Variants in USP47 observed in about 807,000 individuals in gnomAD.
USP47 encodes the protein ubiquitin specific peptidase 47, also known as ubiquitin carboxyl-terminal hydrolase 47.
USP47 carries 35 observed loss-of-function variants against 165.1 expected under a neutral mutation model. The ratio of observed to expected loss-of-function variants is 0.21; its 90% confidence interval spans 0.16 to 0.28. USP47 has a LOEUF of 0.28. Among genes scored for constraint, USP47 ranks in the 10% least tolerant of loss-of-function variants. The pLI, the probability that USP47 is intolerant of heterozygous loss-of-function variation, is 1.00. For missense variants in USP47, 1,277 were observed against 1,607.4 expected (o/e 0.79, Z 3.52); for synonymous variants, 531 against 544.5 (o/e 0.98, Z 0.35).
At position 11,841,976 on chromosome 11, in the gene USP47, A is replaced by G; in HGVS notation, c.-210A>G. On this transcript the variant is annotated 5_prime_UTR_variant, in exon 1 of 28. Coordinates refer to ENST00000527733, the MANE Select transcript of USP47 (RefSeq NM_001282659.2). ...CGGGCTGGGGGAGGGGCCGACGACG[A>G]AGGCGGCTGTGGTAGCGGCGGCGGC... The G allele has an allele frequency of 1.9e-6, 1 of 530,626 alleles. No individual in the cohort carries two copies. Among genetic ancestry groups the G allele is most frequent in the Non-Finnish European group, 3.3e-6 (1 of 303,378 alleles). 32.9% of individuals were successfully genotyped at this position (530,626 alleles called of 1,614,324 possible).
rs1372712230 is a variant in USP47, at chr11:11,948,529, G to A, written c.3319G>A (p.Val1107Ile). 24 of 1,612,848 alleles carry A rather than the reference G, an allele frequency of 1.5e-5. No homozygotes were observed. The highest frequency in any genetic ancestry group is 1.9e-5 in the Non-Finnish European group (22 of 1,179,096). ...ALKKGEYRVK[V>I]YQLLVNEQEP... is the part of the protein sequence containing the mutation. ...TAAAAAAGGAGAATACAGAGTTAAA[G>A]TATACCAGCTTTTGGTCAATGAACA... is the stretch of plus-strand genomic sequence containing the variant. The change falls in exon 22 of 28, where the codon GTA (valine) becomes ATA (isoleucine). Residue 1107 changes from valine (V) to isoleucine (I), a missense_variant. This residue lies in a region of USP47 where 909 missense variants were observed against 1,068.1 expected (regional missense o/e 0.85). Coordinates refer to ENST00000527733, the MANE Select transcript of USP47 (RefSeq NM_001282659.2).
rs1378286683 is a variant in USP47, at chr11:11,959,349, AC to A, written c.*3175del. On this transcript the variant is annotated 3_prime_UTR_variant, in exon 28 of 28. Transcript: ENST00000527733. ...AACAATTCTGTGTAATTTTTGAAAAACATCAACATTTTGGTCACTAGTAGTC... is the reference window on the plus strand; with the variant it reads ...AACAATTCTGTGTAATTTTTGAAAAAATCAACATTTTGGTCACTAGTAGTC... The A allele has an allele frequency of 6.6e-6, 1 of 152,202 alleles. No individual in the cohort carries two copies. The highest frequency in any genetic ancestry group is 2.4e-5 in the African/African-American group (1 of 41,450). The allele number at this position is 152,202 out of a possible 1,614,324, so 9.4% of individuals were successfully genotyped here.
chr11:11,842,036 G>C lies in USP47; in HGVS notation c.-150G>C, dbSNP rs925268265. 1 of 930,726 alleles carries C rather than the reference G, an allele frequency of 1.1e-6. No homozygotes were observed. Among genetic ancestry groups the C allele is most frequent in the Non-Finnish European group, 1.6e-6 (1 of 637,756 alleles). 57.7% of individuals were successfully genotyped at this position (930,726 alleles called of 1,614,324 possible). A position where few individuals can be genotyped will look rare whatever the true frequency, so the allele number is the denominator to read the frequency against. Reference sequence around the variant, plus strand: ...GCCCTGGGTCGGTGTCTGCGCGCTGGTGTCTGAGGCCCAGGCTGAGGCCTC... The same window carrying C: ...GCCCTGGGTCGGTGTCTGCGCGCTGCTGTCTGAGGCCCAGGCTGAGGCCTC... On this transcript the variant is annotated 5_prime_UTR_variant, in exon 1 of 28. Transcript: ENST00000527733.
chr11:11,897,007 T>C (rs907418285), intron 4 of USP47, among the ~76,000 whole-genome samples: 4 of 151,548 alleles, frequency 2.6e-5, no homozygotes, highest in Non-Finnish European at 5.9e-5. Context: ...AGAATTTCAT[T>C]GACAGGCTTG....
At position 11,931,265 on chromosome 11, in the gene USP47, G is replaced by A. The variant is rs1382649093; in HGVS notation, c.1651+514G>A. On this transcript the variant is annotated intron_variant, in intron 14 of 27. Coordinates refer to ENST00000527733, the MANE Select transcript of USP47 (RefSeq NM_001282659.2). ...GTTGCTATTAGTAAATCTGTTTCAAGCATTATGTTTTTATTCACATTTTTG... is the reference window on the plus strand; with the variant it reads ...GTTGCTATTAGTAAATCTGTTTCAAACATTATGTTTTTATTCACATTTTTG... Among the ~76,000 whole-genome samples the A allele has an allele frequency of 3.3e-5, 5 of 152,088 alleles. No individual in the cohort carries two copies. In the East Asian group the frequency reaches 7.8e-4, roughly 24 times the overall value.
rs182726118 is a variant in USP47 at position 11,897,941 on chromosome 11, A to T, written c.593+248A>T. Reference sequence around the variant, plus strand: ...AATTGATGAGATTTACATGTAGGGTAAAAAGCTTCCCTCTCTTGTAGCCTT... The same window carrying T: ...AATTGATGAGATTTACATGTAGGGTTAAAAGCTTCCCTCTCTTGTAGCCTT... On this transcript the variant is annotated intron_variant, in intron 5 of 27. Transcript: ENST00000527733. Among the ~76,000 whole-genome samples the T allele has an allele frequency of 8.3e-4, 127 of 152,242 alleles. 1 individual carries two copies. The highest frequency in any genetic ancestry group is 1.7e-3 in the Admixed American group (26 of 15,298).
Position 11,955,059 on chromosome 11 carries a change from T to C in USP47, c.3788T>C (p.Ile1263Thr), listed in dbSNP as rs1856473274. ...GGTAGAGGAACATTTCCCTGTGATA[T>C]TTCTGTCCTTGATATTCATCAGGAT... ...AKGRGTFPCD[I>T]SVLDIHQDLD... is the part of the protein sequence containing the mutation. The change falls in exon 27 of 28, where the codon ATT becomes ACT. Residue 1263 changes from isoleucine (I) to threonine (T), a missense_variant. By Grantham distance (89) the Ile-to-Thr change is moderately conservative. Transcript: ENST00000527733. The C allele has an allele frequency of 1.2e-6, 2 of 1,613,622 alleles. No individual in the cohort carries two copies. Among genetic ancestry groups the C allele is most frequent in the African/African-American group, 1.3e-5 (1 of 74,920 alleles).
At chr11:11,886,172 A>G (rs1851150081) in intron 3 of USP47, among the ~76,000 whole-genome samples, 2 of 152,200 alleles carry the variant, frequency 1.3e-5, no homozygotes, top group African/African-American at 4.8e-5. Context: ...CAAAAACTCA[A>G]AAAGCCAGAA....
In USP47 at chr11:11,920,349, G is replaced by T; in HGVS notation, c.1073G>T (p.Arg358Leu). 6.2e-7 allele frequency: 1 copy of T among 1,604,666 alleles called. No homozygotes were observed. The highest frequency in any genetic ancestry group is 8.5e-7 in the Non-Finnish European group (1 of 1,176,118). ...TTGTTGTTTGTTTTTTAGGGCCTTCGGTTTTTGCATTTTCCTTATCTGCTG... is the reference window on the plus strand; with the variant it reads ...TTGTTGTTTGTTTTTTAGGGCCTTCTGTTTTTGCATTTTCCTTATCTGCTG... ...KKKCDARKGL[R>L]FLHFPYLLTL... The change falls in exon 10 of 28, where the codon CGG becomes CTG. Residue 358 changes from arginine to leucine, a missense_variant. Coordinates refer to ENST00000527733, the MANE Select transcript of USP47 (RefSeq NM_001282659.2).
intron 1 of USP47, among the ~76,000 whole-genome samples, chr11:11,851,027 G>A (rs1039611907): frequency 4.6e-5 from 7 of 152,204 alleles, no homozygotes; most frequent in Admixed American, 3.9e-4. Context: ...ATATTGGCAA[G>A]TAGGGTTCAA....
chr11:11,902,690 C>CT (rs1852307251), intron 5 of USP47, 25 bp from the exon 6 acceptor site: 1 of 1,397,280 alleles, frequency 7.2e-7, no homozygotes, highest in Non-Finnish European at 9.5e-7. Context: ...TTTATAAATA[C>CT]TTTATTAACA....
chr11:11,925,770 G>A (rs775887517), intron 11 of USP47, among the ~76,000 whole-genome samples: 8 of 151,894 alleles, frequency 5.3e-5, no homozygotes, highest in Non-Finnish European at 1.0e-4. Context: ...AGGACTTCCA[G>A]TACTACGTTG....
chr11:11,885,359 G>T (rs1414211452), intron 3 of USP47, among the ~76,000 whole-genome samples: 6 of 152,100 alleles, frequency 3.9e-5, no homozygotes, highest in African/African-American at 1.4e-4. Context: ...GACTGATTAG[G>T]CAAACAACTC....
chr11:11,850,387 A>G (rs1848657343), intron 1 of USP47, among the ~76,000 whole-genome samples: 1 of 137,904 alleles, frequency 7.3e-6, no homozygotes, highest in South Asian at 2.3e-4. Context: ...CTGCTATAAT[A>G]TGTATAGTTT....
At chr11:11,905,644 A>G in intron 8 of USP47, 96 bp downstream of exon 8, 1 of 1,237,432 alleles carries the variant, frequency 8.1e-7, no homozygotes, top group Non-Finnish European at 1.1e-6. Context: ...CATCCTAGAT[A>G]CACCTTCTTG....
At chr11:11,883,074 C>T (rs1850933575) in intron 2 of USP47, among the ~76,000 whole-genome samples, 1 of 152,144 alleles carries the variant, frequency 6.6e-6, no homozygotes, top group African/African-American at 2.4e-5. Context: ...TACCCACCAC[C>T]TTGTATACAG....
At chr11:11,934,094 G>C (rs1358506470) in intron 16 of USP47, among the ~76,000 whole-genome samples, 159 bp downstream of exon 16, 3 of 152,004 alleles carry the variant, frequency 2.0e-5, no homozygotes, top group Admixed American at 6.6e-5. Context: ...CTCTCCTTTG[G>C]AGCATAGTCA....
chr11:11,842,370 G>C (rs1314519582), intron 1 of USP47, 146 bp downstream of exon 1: 2 of 924,900 alleles, frequency 2.2e-6, no homozygotes, highest in Non-Finnish European at 3.1e-6. Flanking sequence ...GGGGGTGGAC[G>C]GTGGGTGCGG....
rs756186209 is a variant in USP47, at chr11:11,920,614, TTTTC to T, written c.1218+127_1218+130del. 5.7e-6 allele frequency: 5 copies of T among 874,012 alleles called. No individual in the cohort carries two copies. The East Asian group carries it at 9.4e-5, about 16-fold the overall frequency. 54.1% of individuals were successfully genotyped at this position (874,012 alleles called of 1,614,324 possible). A position where few individuals can be genotyped will look rare whatever the true frequency, so the allele number is the denominator to read the frequency against. On this transcript the variant is annotated intron_variant, in intron 10 of 27. Transcript: ENST00000527733. Reference sequence around the variant, plus strand: ...TTGGACTGTCTTCTTGATGGAAACTTTTTCTTTCTTATTTTCTAATGTGGAATTC... The same window carrying T: ...TTGGACTGTCTTCTTGATGGAAACTTTTTCTTATTTTCTAATGTGGAATTC...
Sources: allele counts gnomAD v4.1 joint callset (sites outside exome capture counted in the v4.1 genomes callset), GRCh38; gene constraint gnomAD v4.1.1; regional missense constraint gnomAD v4.1.1; transcripts MANE v1.5; gene names NCBI Gene and HGNC (gene_info 2026-07-23, HGNC 2026-07-21).